Variants in GPATCH8 observed in about 807,000 individuals in gnomAD.
The protein encoded by GPATCH8 is G-patch domain containing 8, also known as G patch domain-containing protein 8.
In GPATCH8, 18 loss-of-function variants were observed where a neutral mutation model predicts 118.3. The observed-to-expected ratio is 0.15, with a 90% CI of 0.11 to 0.23. The LOEUF (loss-of-function observed/expected upper bound fraction) is 0.23, where lower values mean the gene tolerates loss of function less well. GPATCH8 is among the 10% of genes least tolerant of loss of function. The pLI, the probability that GPATCH8 is intolerant of heterozygous loss-of-function variation, is 1.00. For synonymous variants in GPATCH8, 659 were observed against 684.7 expected (o/e 0.96, Z 0.59); for missense variants, 1,631 against 1,873.8 (o/e 0.87, Z 2.39).
At chr17:44,482,938 C>T (rs1246013159) in intron 1 of GPATCH8, among the ~76,000 whole-genome samples, 2 of 149,420 alleles carry the variant, frequency 1.3e-5, no homozygotes, top group African/African-American at 2.5e-5. Context: ...AGGCGGATCA[C>T]GAGGTCAGGA....
At chr17:44,455,175 G>A (rs889926403) in intron 3 of GPATCH8, among the ~76,000 whole-genome samples, 5 of 152,074 alleles carry the variant, frequency 3.3e-5, no homozygotes, top group African/African-American at 1.2e-4. Flanking sequence ...GCAGACCCTC[G>A]GTAGCTGTAT....
chr17:44,464,343 C>T (rs537062770), intron 3 of GPATCH8, 129 bp downstream of exon 3: 24 of 762,330 alleles, frequency 3.1e-5, no homozygotes, highest in South Asian at 2.7e-4. Flanking sequence ...AAACAGACTA[C>T]TCTAAGGGGA....
rs1240954012 is a variant in GPATCH8 at position 44,398,874 on chromosome 17, C to T, written c.3203G>A (p.Ser1068Asn). Residue 1068 changes from serine to asparagine, a missense_variant, in exon 8 of 8, where the codon AGC (serine) becomes AAC (asparagine). Transcript: ENST00000591680. ...TGACCCTCTTCCTGTGCCAATGTTG[C>T]TGTTCTGGGAAGGTGGACCTGTTGC... ...SKATGPPSQN[S>N]NIGTGRGSEG... is the part of the protein sequence containing the mutation. 2 of 1,614,012 alleles carry T rather than the reference C, an allele frequency of 1.2e-6. No homozygotes were observed. The highest frequency in any genetic ancestry group is 1.7e-6 in the Non-Finnish European group (2 of 1,179,852).
At position 44,496,935 on chromosome 17, in the gene GPATCH8, G is replaced by C. The variant is rs117984189; in HGVS notation, c.45+6391C>G. Among the ~76,000 whole-genome samples the C allele has an allele frequency of 4.8e-3, 727 of 152,240 alleles. 3 individuals carry two copies. Among genetic ancestry groups the C allele is most frequent in the Admixed American group, 0.01 (153 of 15,296 alleles). Reference sequence around the variant, plus strand: ...AATGGACAATTCACTTTTTATAAGTGGAAAATTATTACAACATCTTCTGGT... The same window carrying C: ...AATGGACAATTCACTTTTTATAAGTCGAAAATTATTACAACATCTTCTGGT... On this transcript the variant is annotated intron_variant, in intron 1 of 7. Transcript: ENST00000591680.
At chr17:44,482,197 C>T (rs1235215817) in intron 1 of GPATCH8, among the ~76,000 whole-genome samples, 1 of 151,260 alleles carries the variant, frequency 6.6e-6, no homozygotes, top group East Asian at 1.9e-4. Flanking sequence ...GGGAGGGGAA[C>T]ATTATACACT....
chr17:44,398,505 T>G lies in GPATCH8; in HGVS notation c.3572A>C (p.His1191Pro). 1 of 1,604,586 alleles carries G rather than the reference T, an allele frequency of 6.2e-7. No homozygotes were observed. The highest frequency in any genetic ancestry group is 8.5e-7 in the Non-Finnish European group (1 of 1,175,496). The change falls in exon 8 of 8, where the codon CAT (histidine) becomes CCT (proline). Residue 1191 changes from histidine (H) to proline (P), a missense_variant. By Grantham distance (77) the His-to-Pro change is moderately conservative. Coordinates refer to ENST00000591680, the MANE Select transcript of GPATCH8 (RefSeq NM_001002909.4). ...PPGSSDALFG[H>P]QFPSEETTGP... is the part of the protein sequence containing the mutation. ...AGTTGTTTCCTCTGAAGGGAACTGA[T>G]GCCCAAATAGGGCATCACTACTCCC...
At chr17:44,481,837 C>G (rs186727573) in intron 1 of GPATCH8, among the ~76,000 whole-genome samples, 3 of 152,178 alleles carry the variant, frequency 2.0e-5, no homozygotes, top group African/African-American at 7.2e-5. Flanking sequence ...ATTCATAGAA[C>G]TAGGCTGGGC....
intron 1 of GPATCH8, among the ~76,000 whole-genome samples, chr17:44,492,258 T>TCCACTGCA (rs1035272133): frequency 9.1e-5 from 7 of 77,316 alleles, no homozygotes; most frequent in Non-Finnish European, 1.5e-4. Flanking sequence ...CTGAGATGGC[T>TCCACTGCA]CCACTGCACT....
At chr17:44,417,154 C>T (rs897851470) in intron 6 of GPATCH8, among the ~76,000 whole-genome samples, 1 of 152,056 alleles carries the variant, frequency 6.6e-6, no homozygotes, top group African/African-American at 2.4e-5. Flanking sequence ...GAGGAAAACT[C>T]TAAATTTCTG....
Position 44,399,979 on chromosome 17 carries a change from A to C in GPATCH8, c.2098T>G (p.Ser700Ala). The C allele has an allele frequency of 1.2e-6, 2 of 1,612,480 alleles. No individual in the cohort carries two copies. Among genetic ancestry groups the C allele is most frequent in the East Asian group, 4.5e-5 (2 of 44,810 alleles). The change falls in exon 8 of 8, where the codon TCT becomes GCT. Residue 700 changes from serine (S) to alanine (A), a missense_variant. By Grantham distance (99) the Ser-to-Ala change is moderately conservative. Transcript: ENST00000591680. The part of the protein sequence containing the change: ...KHKADTEEKS[S>A]KAESGEKSKK... ...GATTTCTCCCCTGACTCTGCCTTAG[A>C]GCTTTTCTCTTCTGTGTCAGCCTTG...
At position 44,397,694 on chromosome 17, in the gene GPATCH8, G is replaced by A; in HGVS notation, c.4383C>T (p.Ala1461=). The A allele has an allele frequency of 1.2e-6, 2 of 1,611,700 alleles. No individual in the cohort carries two copies. The highest frequency in any genetic ancestry group is 1.1e-5 in the South Asian group (1 of 90,800). ...PFTFHPVPHA[A]LYPTLLAPRP... ...GTGGAGCAAGTAGGGTGGGGTAGAG[G>A]GCAGCATGTGGGACAGGGTGAAAGG... Residue 1461 remains alanine (A), a synonymous_variant, in exon 8 of 8, where the codon GCC becomes GCT. Transcript: ENST00000591680.
intron 5 of GPATCH8, among the ~76,000 whole-genome samples, chr17:44,428,628 C>T (rs2050176163): frequency 6.6e-6 from 1 of 151,780 alleles, no homozygotes; most frequent in African/African-American, 2.4e-5. Context: ...CATGGTGAAA[C>T]CCTGTCTTTA....
chr17:44,489,624 G>A (rs1969078805), intron 1 of GPATCH8, among the ~76,000 whole-genome samples: 1 of 152,152 alleles, frequency 6.6e-6, no homozygotes, highest in African/African-American at 2.4e-5. Flanking sequence ...ACAGGCGTGA[G>A]CCACCGCCCC....
intron 1 of GPATCH8, among the ~76,000 whole-genome samples, chr17:44,483,825 T>TTGTTGTTG (rs1968547393): frequency 2.9e-4 from 44 of 149,226 alleles, no homozygotes; most frequent in Non-Finnish European, 5.9e-4. Flanking sequence ...TTTGGTTGTT[T>TTGTTGTTG]TTGTTGTTGT....
chr17:44,453,294 G>C (rs1387189424), intron 3 of GPATCH8, among the ~76,000 whole-genome samples: 1 of 152,128 alleles, frequency 6.6e-6, no homozygotes, highest in Admixed American at 6.5e-5. Flanking sequence ...TGATTCTATA[G>C]TTTACTGGTT....
intron 1 of GPATCH8, among the ~76,000 whole-genome samples, chr17:44,475,523 T>C (rs1488475245): frequency 6.8e-6 from 1 of 148,108 alleles, no homozygotes; most frequent in Admixed American, 6.8e-5. Flanking sequence ...TGAAACCCCA[T>C]CTCTACTAAA....
intron 1 of GPATCH8, chr17:44,486,030 G>A (rs1968751419): frequency 6.6e-6 from 1 of 152,100 alleles, no homozygotes; most frequent in South Asian, 2.1e-4. Flanking sequence ...AGGTAACTGG[G>A]ACTACAGGCA....
chr17:44,465,265 T>C (rs1189096582), intron 2 of GPATCH8: 2 of 152,126 alleles, frequency 1.3e-5, no homozygotes, highest in African/African-American at 4.8e-5. Context: ...TGCTAAGATG[T>C]TAGAATGAAA....
At chr17:44,478,771 T>C (rs1967977071) in intron 1 of GPATCH8, among the ~76,000 whole-genome samples, 1 of 152,186 alleles carries the variant, frequency 6.6e-6, no homozygotes. Flanking sequence ...ACAGAGTCTC[T>C]CTCTGTCACC....
Sources: gnomAD v4.1 joint callset for allele counts (sites outside exome capture counted in the v4.1 genomes callset) on GRCh38, gnomAD v4.1.1 for gene constraint, MANE v1.5 for transcripts, NCBI Gene and HGNC (gene_info 2026-07-23, HGNC 2026-07-21) for gene names.